Variants in RALGAPA2 observed in about 807,000 individuals in gnomAD.
RALGAPA2 encodes Ral GTPase activating protein catalytic subunit alpha 2.
RALGAPA2 carries 139 observed loss-of-function variants against 230.4 expected under a neutral mutation model. The observed-to-expected ratio is 0.60, with a 90% CI of 0.53 to 0.69. The LOEUF (loss-of-function observed/expected upper bound fraction) is 0.69. Ranked by LOEUF, RALGAPA2 falls within the 30% of genes least tolerant of loss-of-function variation. The probability of loss-of-function intolerance (pLI) is 0.00; values close to 1 mark genes in which losing one functional copy is unlikely to be tolerated. For missense variants in RALGAPA2, 2,163 were observed against 2,276.0 expected (o/e 0.95, Z 1.01); for synonymous variants, 847 against 837.8 (o/e 1.01, Z -0.19).
chr20:20,536,671 T>A lies in RALGAPA2; in HGVS notation c.3399A>T (p.Gly1133=). 1 of 1,612,688 alleles carries A rather than the reference T, an allele frequency of 6.2e-7. No individual in the cohort carries two copies. The highest frequency in any genetic ancestry group is 1.1e-5 in the South Asian group (1 of 91,042). ...CGTTATGTACCTTGACATCTTCAGT[T>A]CCTGTAATGGCCTCATTTACTTCTG... ...SVPEVNEAIT[G]TEDVKHYLIN... The change falls in exon 25 of 40, where the codon GGA becomes GGT. Residue 1133 remains glycine (G), a synonymous_variant. Coordinates refer to ENST00000202677, the MANE Select transcript of RALGAPA2 (RefSeq NM_020343.4).
At chr20:20,422,278 T>C (rs1322078690) in intron 37 of RALGAPA2, among the ~76,000 whole-genome samples, 1 of 152,224 alleles carries the variant, frequency 6.6e-6, no homozygotes, top group Non-Finnish European at 1.5e-5. Flanking sequence ...GTGAACGCTA[T>C]GGTCTGTGAA....
rs530457503 is a variant in RALGAPA2, at chr20:20,557,342, G to A, written c.3157-10510C>T. ...AAGGGGTAAGTAAAATGCACGTACT[G>A]TGTGTAATCATGTAAGTAAATATTA... On this transcript the variant is annotated intron_variant, in intron 23 of 39. Coordinates refer to ENST00000202677, the MANE Select transcript of RALGAPA2 (RefSeq NM_020343.4). Among the ~76,000 whole-genome samples the A allele has an allele frequency of 2.0e-5, 3 of 152,194 alleles. No individual in the cohort carries two copies. The South Asian group carries it at 6.2e-4, about 32-fold the overall frequency.
At chr20:20,524,769 C>T (rs1360039040) in intron 29 of RALGAPA2, 61 bp downstream of exon 29, 1 of 1,401,596 alleles carries the variant, frequency 7.1e-7, no homozygotes, top group Non-Finnish European at 9.7e-7. Context: ...CATTATTTAT[C>T]ATTTTACCTT....
rs2065091009 is a variant in RALGAPA2 at position 20,584,974 on chromosome 20, A to G, written c.2440-19T>C. 2 of 1,579,348 alleles carry G rather than the reference A, an allele frequency of 1.3e-6. No individual in the cohort carries two copies. The highest frequency in any genetic ancestry group is 1.7e-6 in the Non-Finnish European group (2 of 1,154,598). On this transcript the variant is annotated intron_variant, in intron 18 of 39. Transcript: ENST00000202677. ...CTAAGATCTTCAGACAAAAAGAAAT[A>G]TTGCATTTACTACAGGAAAGTTTTC...
At chr20:20,635,643 G>T in intron 8 of RALGAPA2, 26 bp from the exon 9 acceptor site, 1 of 1,454,110 alleles carries the variant, frequency 6.9e-7, no homozygotes, top group Non-Finnish European at 9.3e-7. Flanking sequence ...ACACATGATT[G>T]ATTAGGTTAA....
chr20:20,460,409 A>C (rs2123274868), intron 37 of RALGAPA2, among the ~76,000 whole-genome samples: 1 of 152,346 alleles, frequency 6.6e-6, no homozygotes, highest in African/African-American at 2.4e-5. Flanking sequence ...CAGCTATGAC[A>C]TGTTACCTGC....
intron 25 of RALGAPA2, 112 bp from the exon 26 acceptor site, chr20:20,535,915 A>C (rs1007049024): frequency 2.1e-6 from 3 of 1,420,826 alleles, no homozygotes; most frequent in Non-Finnish European, 2.8e-6. Flanking sequence ...CAGGGAGCTC[A>C]GAGAGCTCAT....
intron 37 of RALGAPA2, among the ~76,000 whole-genome samples, chr20:20,467,305 A>C (rs991867276): frequency 1.8e-4 from 28 of 152,232 alleles, no homozygotes; most frequent in Non-Finnish European, 2.1e-4. Flanking sequence ...TGTTCCGGAT[A>C]CTTTGTCAAC....
At chr20:20,419,096 T>C (rs1272112362) in intron 37 of RALGAPA2, among the ~76,000 whole-genome samples, 3 of 152,076 alleles carry the variant, frequency 2.0e-5, no homozygotes, top group African/African-American at 7.2e-5. Context: ...TACACACATA[T>C]GTAGGAAATG....
In RALGAPA2 at chr20:20,465,220, AG is replaced by A. The variant is rs1178127526; in HGVS notation, c.5495+7608del. Among the ~76,000 whole-genome samples, 3 of 133,000 alleles carry A rather than the reference AG, an allele frequency of 2.3e-5. No individual in the cohort carries two copies. The East Asian group carries it at 7.8e-4, about 35-fold the overall frequency. The allele number at this position is 133,000 out of a possible 152,430, so 87.3% of individuals were successfully genotyped here. ...ACACTCTCTCATACTAGGGGACAGC[AG>A]CAGAATGGACACAAGGCCCCCACTG... On this transcript the variant is annotated intron_variant, in intron 37 of 39. Coordinates refer to ENST00000202677, the MANE Select transcript of RALGAPA2 (RefSeq NM_020343.4).
rs58953456 is a variant in RALGAPA2 at position 20,594,212 on chromosome 20, T to G, written c.2204-2898A>C. 6.9e-4 allele frequency among the ~76,000 whole-genome samples: 105 copies of G among 152,326 alleles called. No individual in the cohort carries two copies. The East Asian group carries it at 0.017, about 25-fold the overall frequency. On this transcript the variant is annotated intron_variant, in intron 16 of 39. Transcript: ENST00000202677. ...AATTTCCTGATTTGTAACAGTATAT[T>G]TATTGGGATTTTCTCATATTTTATA...
Position 20,393,106 on chromosome 20 carries a change from G to T in RALGAPA2, c.*183C>A, listed in dbSNP as rs761919334. On this transcript the variant is annotated 3_prime_UTR_variant, in exon 40 of 40. Transcript: ENST00000202677. The stretch of plus-strand genomic sequence containing the variant: ...ATGGGCTTCAGAAGTCCACTAATGG[G>T]AAGACCTGCTGAGGGCACTAGTACA... 3.7e-6 allele frequency: 5 copies of T among 1,357,918 alleles called. No homozygotes were observed. The Admixed American group carries it at 9.7e-5, about 26-fold the overall frequency. The allele number at this position is 1,357,918 out of a possible 1,614,324, so 84.1% of individuals were successfully genotyped here.
rs144362989 is a variant in RALGAPA2 at position 20,490,555 on chromosome 20, A to G, written c.5367+4562T>C. Among the ~76,000 whole-genome samples, 1,346 of 152,318 alleles carry G rather than the reference A, an allele frequency of 8.8e-3. 21 individuals carry two copies. Among genetic ancestry groups the G allele is most frequent in the African/African-American group, 0.031 (1,290 of 41,564 alleles). Reference sequence around the variant, plus strand: ...TTTAAAGGGCATGATTTAATCTTAAACAGGTTAGTTGGCTGTGATTGGGAT... The same window carrying G: ...TTTAAAGGGCATGATTTAATCTTAAGCAGGTTAGTTGGCTGTGATTGGGAT... On this transcript the variant is annotated intron_variant, in intron 36 of 39. Transcript: ENST00000202677.
chr20:20,535,236 C>G (rs948206270), intron 26 of RALGAPA2, among the ~76,000 whole-genome samples: 2 of 152,116 alleles, frequency 1.3e-5, no homozygotes, highest in Non-Finnish European at 2.9e-5. Flanking sequence ...TTGGTCTTCA[C>G]GTTGGGAGGA....
intron 24 of RALGAPA2, among the ~76,000 whole-genome samples, chr20:20,539,158 C>T (rs1202063569): frequency 6.6e-6 from 1 of 152,134 alleles, no homozygotes; most frequent in Non-Finnish European, 1.5e-5. Context: ...CAAGCTTCTC[C>T]TCATCTCTTG....
chr20:20,466,041 C>T (rs1244762740), intron 37 of RALGAPA2, among the ~76,000 whole-genome samples: 1 of 152,194 alleles, frequency 6.6e-6, no homozygotes. Flanking sequence ...CCCATTAGCC[C>T]TCTCACCAAC....
intron 18 of RALGAPA2, among the ~76,000 whole-genome samples, chr20:20,587,830 A>C (rs1380420458): frequency 6.6e-6 from 1 of 152,112 alleles, no homozygotes; most frequent in Non-Finnish European, 1.5e-5. Flanking sequence ...AAAAACAACA[A>C]AGGACATCAG....
In RALGAPA2 at chr20:20,546,784, G is replaced by A. The variant is rs1462498409; in HGVS notation, c.3205C>T (p.Leu1069=). Residue 1069 remains leucine (L), a synonymous_variant, in exon 24 of 40, where the codon CTG becomes TTG. Transcript: ENST00000202677. ...IRHCPPRFFS[L]GFPGFSMLVG... ...AGCATTGAGAAGCCAGGAAAACCCA[G>A]GGAGAAAAAGCGGGGTGGACAGTGC... is the stretch of plus-strand genomic sequence containing the variant. The A allele has an allele frequency of 6.2e-7, 1 of 1,611,150 alleles. No homozygotes were observed. Among genetic ancestry groups the A allele is most frequent in the African/African-American group, 1.3e-5 (1 of 74,810 alleles).
chr20:20,566,572 C>T (rs115306755), intron 23 of RALGAPA2, among the ~76,000 whole-genome samples: 6,006 of 152,180 alleles, frequency 0.039, 155 homozygotes, highest in South Asian at 0.061. Context: ...TCTCCTTACC[C>T]TTAATATTAT....
Sources: gnomAD v4.1 joint callset for allele counts (sites outside exome capture counted in the v4.1 genomes callset) on GRCh38, gnomAD v4.1.1 for gene constraint, MANE v1.5 for transcripts, NCBI Gene and HGNC (gene_info 2026-07-23, HGNC 2026-07-21) for gene names.